PCDHGB7: variants seen among roughly 807,000 people sequenced by gnomAD.
PCDHGB7 encodes protocadherin gamma-B7.
In PCDHGB7, 37 loss-of-function variants were observed where a neutral mutation model predicts 61.4. The observed-to-expected ratio is 0.60, with a 90% CI of 0.46 to 0.79. The LOEUF (loss-of-function observed/expected upper bound fraction) is 0.79, where lower values mean the gene tolerates loss of function less well. Among genes scored for constraint, PCDHGB7 ranks in the 30% least tolerant of loss-of-function variants. The probability of loss-of-function intolerance (pLI) is 0.00; values close to 1 mark genes in which losing one functional copy is unlikely to be tolerated. For missense variants in PCDHGB7, 1,166 were observed against 1,202.5 expected, an observed-to-expected ratio of 0.97 and a Z score of 0.45; for synonymous variants, 464 against 503.5, an observed-to-expected ratio of 0.92 and a Z score of 1.05.
rs766340497 is a variant in PCDHGB7, at chr5:141,417,893, G to T, written c.34G>T (p.Gly12Cys). Reference protein sequence around the residue: ...GGSCAQRRRAGPRQVLFPLLL... With the variant: ...GGSCAQRRRACPRQVLFPLLL... The stretch of plus-strand genomic sequence containing the variant: ...GAGCTGCGCGCAGAGGCGCCGGGCC[G>T]GCCCGCGGCAGGTACTATTTCCTTT... The change falls in exon 1 of 4, where the codon GGC becomes TGC. Residue 12 changes from glycine to cysteine, a missense_variant. Gly to Cys is a radical substitution (Grantham distance 159). Transcript: ENST00000398594. The T allele has an allele frequency of 1.3e-6, 2 of 1,572,670 alleles. No individual in the cohort carries two copies. The highest frequency in any genetic ancestry group is 1.9e-5 in the Admixed American group (1 of 52,484).
rs139832920 is a variant in PCDHGB7, at chr5:141,432,866, G to T, written c.2415+12592G>T. On this transcript the variant is annotated intron_variant, in intron 1 of 3. Coordinates refer to ENST00000398594, the MANE Select transcript of PCDHGB7 (RefSeq NM_018927.4). This position sits in a 1 kb window ranked among gnomAD's most constrained non-coding sequence, Gnocchi z 6.0. ...GGTAGCGGTGGCCGCGGTCTCCTGC[G>T]TCTTCCTGGCCTTCGTCATCTTGCT... The T allele has an allele frequency of 1.9e-6, 3 of 1,614,034 alleles. No individual in the cohort carries two copies. The African/African-American group carries it at 4.0e-5, about 22-fold the overall frequency.
intron 2 of PCDHGB7, among the ~76,000 whole-genome samples, chr5:141,498,371 C>T (rs188547878): frequency 6.6e-6 from 1 of 151,838 alleles, no homozygotes; most frequent in Admixed American, 6.6e-5. Flanking sequence ...TGTGGTGAGG[C>T]CTCCTGGGAT....
intron 2 of PCDHGB7, among the ~76,000 whole-genome samples, chr5:141,503,239 C>G (rs1364808315): frequency 6.6e-6 from 1 of 152,088 alleles, no homozygotes; most frequent in Non-Finnish European, 1.5e-5. Flanking sequence ...TGGACAGTTT[C>G]TATCATACTC....
rs756464724 is a variant in PCDHGB7, at chr5:141,478,476, A to T, written c.2416-16331A>T. The T allele has an allele frequency of 5.0e-6, 8 of 1,613,838 alleles. 1 individual carries two copies. The South Asian group carries it at 7.7e-5, about 16-fold the overall frequency. The stretch of plus-strand genomic sequence containing the variant: ...GCCAGTCCACTGGCCAGCCGCCAGA[A>T]CACGCTGCGGAGCTGTGATCCGGTG... On this transcript the variant is annotated intron_variant, in intron 1 of 3. Transcript: ENST00000398594.
chr5:141,458,513 GT>G (rs537551567), intron 1 of PCDHGB7, among the ~76,000 whole-genome samples: 34 of 146,056 alleles, frequency 2.3e-4, no homozygotes, highest in South Asian at 6.5e-4. Flanking sequence ...TTGACACTTT[GT>G]TTTTTTTTTT....
At chr5:141,464,227 T>C (rs539811399) in intron 1 of PCDHGB7, among the ~76,000 whole-genome samples, 58 of 147,282 alleles carry the variant, frequency 3.9e-4, no homozygotes, top group Admixed American at 2.5e-3. Flanking sequence ...ATTGCGCCAC[T>C]GCACTCCAGC....
intron 1 of PCDHGB7, chr5:141,442,449 T>TA (rs1488731055): frequency 6.6e-6 from 1 of 152,210 alleles, no homozygotes; most frequent in African/African-American, 2.4e-5. Context: ...CAGGACTCAA[T>TA]AGCAGTTTCA....
At chr5:141,473,809 A>C (rs1230574978) in intron 1 of PCDHGB7, among the ~76,000 whole-genome samples, 2 of 152,242 alleles carry the variant, frequency 1.3e-5, no homozygotes, top group East Asian at 3.8e-4. Flanking sequence ...ACTGAGGAGC[A>C]GCTGGACAAT....
intron 1 of PCDHGB7, chr5:141,422,754 C>T: frequency 1.2e-6 from 2 of 1,612,450 alleles, no homozygotes; most frequent in Non-Finnish European, 1.7e-6. Flanking sequence ...TCTCTATTAA[C>T]TCCAACACTG....
rs1210809217 is a variant in PCDHGB7 at position 141,432,990 on chromosome 5, A to G, written c.2415+12716A>G. The G allele has an allele frequency of 6.2e-7, 1 of 1,614,152 alleles. No individual in the cohort carries two copies. The highest frequency in any genetic ancestry group is 1.7e-5 in the Admixed American group (1 of 60,022). ...CCGGCGTCGCACTTTGTGGGCGTGGACGGGGTGCAGGCTTTCCTGCAGACC... is the reference window on the plus strand; with the variant it reads ...CCGGCGTCGCACTTTGTGGGCGTGGGCGGGGTGCAGGCTTTCCTGCAGACC... On this transcript the variant is annotated intron_variant, in intron 1 of 3. Transcript: ENST00000398594. This position sits in a 1 kb window ranked among gnomAD's most constrained non-coding sequence, Gnocchi z 6.0.
chr5:141,466,933 C>A (rs1305734739), intron 1 of PCDHGB7, among the ~76,000 whole-genome samples: 1 of 152,100 alleles, frequency 6.6e-6, no homozygotes, highest in Non-Finnish European at 1.5e-5. Context: ...GAATATTAGT[C>A]CTTTGTCCAG....
chr5:141,418,670 G>T lies in PCDHGB7; in HGVS notation c.811G>T (p.Glu271Ter), dbSNP rs767728571. 2 of 1,614,042 alleles carry T rather than the reference G, an allele frequency of 1.2e-6. No homozygotes were observed. Among genetic ancestry groups the T allele is most frequent in the Non-Finnish European group, 1.7e-6 (2 of 1,179,888 alleles). Residue 271 changes from glutamate (E) to a stop codon, truncating the protein, a stop_gained, in exon 1 of 4, where the codon GAG becomes TAG. Coordinates refer to ENST00000398594, the MANE Select transcript of PCDHGB7 (RefSeq NM_018927.4). LOFTEE classifies it high-confidence loss of function. The part of the protein sequence containing the change: ...ILRVKATDQD[E>*]GINSEITYSF... Reference sequence around the variant, plus strand: ...GAGAGTGAAGGCCACTGACCAGGACGAGGGCATCAACTCAGAGATCACTTA... The same window carrying T: ...GAGAGTGAAGGCCACTGACCAGGACTAGGGCATCAACTCAGAGATCACTTA...
At chr5:141,480,046 A>G (rs919527311) in intron 1 of PCDHGB7, among the ~76,000 whole-genome samples, 1 of 152,206 alleles carries the variant, frequency 6.6e-6, no homozygotes, top group Non-Finnish European at 1.5e-5. Context: ...ATATGCAAAA[A>G]GGGAATAATA....
chr5:141,438,681 G>T (rs2098050580), intron 1 of PCDHGB7, among the ~76,000 whole-genome samples: 1 of 142,154 alleles, frequency 7.0e-6, no homozygotes, highest in South Asian at 2.3e-4. Context: ...TGGAGTAGGG[G>T]ATGGAGTCTT....
chr5:141,505,468 G>A lies in PCDHGB7; in HGVS notation c.2550G>A (p.Leu850=). 1 of 1,614,212 alleles carries A rather than the reference G, an allele frequency of 6.2e-7. No homozygotes were observed. Among genetic ancestry groups the A allele is most frequent in the Non-Finnish European group, 8.5e-7 (1 of 1,180,020 alleles). The change falls in exon 3 of 4, where the codon TTG becomes TTA. Residue 850 remains leucine (L), a synonymous_variant. Coordinates refer to ENST00000398594, the MANE Select transcript of PCDHGB7 (RefSeq NM_018927.4). The stretch of plus-strand genomic sequence containing the variant: ...CAGAGATGCTGCAAGCCATGATCTT[G>A]GCGTCCGCCAGTGGTAAGTGGTGTC... The part of the protein sequence containing the change: ...FDTEMLQAMI[L]ASASEAADGS...
At position 141,419,084 on chromosome 5, in the gene PCDHGB7, G is replaced by A; in HGVS notation, c.1225G>A (p.Ala409Thr). The change falls in exon 1 of 4, where the codon GCC becomes ACC. Residue 409 changes from alanine (A) to threonine (T), a missense_variant. Physicochemically the swap from Ala to Thr is moderately conservative, Grantham distance 58. Coordinates refer to ENST00000398594, the MANE Select transcript of PCDHGB7 (RefSeq NM_018927.4). Reference protein sequence around the residue: ...NNYYKLVTDEALDREQTPEYN... With the variant: ...NNYYKLVTDETLDREQTPEYN... ...TTACTACAAGCTAGTAACAGATGAGGCCCTGGATCGGGAGCAGACCCCAGA... is the reference window on the plus strand; with the variant it reads ...TTACTACAAGCTAGTAACAGATGAGACCCTGGATCGGGAGCAGACCCCAGA... 1.2e-6 allele frequency: 2 copies of A among 1,613,920 alleles called. No individual in the cohort carries two copies. The highest frequency in any genetic ancestry group is 1.7e-6 in the Non-Finnish European group (2 of 1,179,896).
In PCDHGB7 at chr5:141,476,477, G is replaced by T. The variant is rs768824553; in HGVS notation, c.2416-18330G>T. The T allele has an allele frequency of 1.9e-6, 3 of 1,614,078 alleles. No homozygotes were observed. The highest frequency in any genetic ancestry group is 1.7e-5 in the Admixed American group (1 of 60,016). Reference sequence around the variant, plus strand: ...GGAGAACCCGCTGGAGCTGTTCAGCGTGGAAGTGGTGATCCAGGACATCAA... The same window carrying T: ...GGAGAACCCGCTGGAGCTGTTCAGCTTGGAAGTGGTGATCCAGGACATCAA... On this transcript the variant is annotated intron_variant, in intron 1 of 3. Coordinates refer to ENST00000398594, the MANE Select transcript of PCDHGB7 (RefSeq NM_018927.4). This position sits in a 1 kb window ranked among gnomAD's most constrained non-coding sequence, Gnocchi z 7.6.
chr5:141,430,315 T>C (rs185896854), intron 1 of PCDHGB7, among the ~76,000 whole-genome samples: 58 of 151,980 alleles, frequency 3.8e-4, no homozygotes, highest in African/African-American at 1.3e-3. Context: ...CATTATAAGA[T>C]TAAAATCATT....
chr5:141,508,043 T>A (rs2099865910), intron 3 of PCDHGB7: 1 of 152,252 alleles, frequency 6.6e-6, no homozygotes, highest in Non-Finnish European at 1.5e-5. Context: ...CAGCCAGCTG[T>A]GTTCCAGCTA....
Sources: allele counts gnomAD v4.1 joint callset (sites outside exome capture counted in the v4.1 genomes callset), GRCh38; gene constraint gnomAD v4.1.1; non-coding constraint Gnocchi (gnomAD v3.1); transcripts MANE v1.5; gene names NCBI Gene and HGNC (gene_info 2026-07-23, HGNC 2026-07-21).